NCAM1: variants seen among roughly 807,000 people sequenced by gnomAD.
The protein encoded by NCAM1 is neural cell adhesion molecule 1.
Under a neutral mutation model 109.8 loss-of-function variants are expected in NCAM1, and 14 were observed. The ratio of observed to expected loss-of-function variants is 0.13; its 90% confidence interval spans 0.08 to 0.20. The LOEUF (loss-of-function observed/expected upper bound fraction) is 0.20. Ranked by LOEUF, NCAM1 falls within the 10% of genes least tolerant of loss-of-function variation. The pLI is 1.00. For missense variants in NCAM1, 774 were observed against 1,109.9 expected, an observed-to-expected ratio of 0.70 and a Z score of 4.30; for synonymous variants, 418 against 442.9, an observed-to-expected ratio of 0.94 and a Z score of 0.70.
At chr11:113,221,178 A>C in intron 8 of NCAM1, 118 bp from the exon 9 acceptor site, 1 of 1,008,698 alleles carries the variant, frequency 9.9e-7, no homozygotes, top group Non-Finnish European at 1.5e-6. Flanking sequence ...CCTTGGAAAA[A>C]GTTCTGAATT....
At chr11:113,069,946 G>A (rs1467213865) in intron 1 of NCAM1, among the ~76,000 whole-genome samples, 1 of 152,166 alleles carries the variant, frequency 6.6e-6, no homozygotes, top group Non-Finnish European at 1.5e-5. Flanking sequence ...GGAAGTACCT[G>A]TGAGGTAGTC....
At position 113,169,036 on chromosome 11, in the gene NCAM1, CTGTGTGTGTGTGTG is replaced by C. The variant is rs10562516; in HGVS notation, c.53-33321_53-33308del. On this transcript the variant is annotated intron_variant, in intron 1 of 19. Transcript: ENST00000316851. ...GAGAAGATCCTCTCTCTTCCTCTTT[CTGTGTGTGTGTGTG>C]TGTGTGTGTGTGTGTGTGTGTCTGT... Among the ~76,000 whole-genome samples the C allele has an allele frequency of 6.5e-3, 952 of 146,890 alleles. 10 individuals carry two copies. The highest frequency in any genetic ancestry group is 0.023 in the African/African-American group (914 of 39,890).
intron 1 of NCAM1, among the ~76,000 whole-genome samples, chr11:113,036,557 C>T (rs1473372427): frequency 6.6e-6 from 1 of 152,086 alleles, no homozygotes; most frequent in Non-Finnish European, 1.5e-5. Flanking sequence ...GATGCCTTCC[C>T]TCCGGGTCAT....
At chr11:113,209,486 A>T (rs920115603) in intron 7 of NCAM1, among the ~76,000 whole-genome samples, 4 of 152,350 alleles carry the variant, frequency 2.6e-5, no homozygotes, top group African/African-American at 7.2e-5. Flanking sequence ...TATTGTAGAA[A>T]AAGATAGATG....
At chr11:112,992,499 T>C (rs1273980828) in intron 1 of NCAM1, among the ~76,000 whole-genome samples, 6 of 151,256 alleles carry the variant, frequency 4.0e-5, no homozygotes, top group African/African-American at 9.7e-5. Context: ...AACTCTTTTT[T>C]TTTCTTTTTT....
At chr11:113,226,152 G>A (rs1555116185) in intron 9 of NCAM1, among the ~76,000 whole-genome samples, 1 of 152,214 alleles carries the variant, frequency 6.6e-6, no homozygotes, top group Non-Finnish European at 1.5e-5. Flanking sequence ...TGGATAAAGA[G>A]TCAAGACCCA....
At chr11:113,118,813 G>C (rs1263536657) in intron 1 of NCAM1, among the ~76,000 whole-genome samples, 1 of 151,894 alleles carries the variant, frequency 6.6e-6, no homozygotes, top group African/African-American at 2.4e-5. Context: ...ATGAAAATGA[G>C]CCATTAAAAG....
intron 1 of NCAM1, among the ~76,000 whole-genome samples, chr11:113,181,982 A>G (rs753926): frequency 0.069 from 10,485 of 152,254 alleles, 737 homozygotes; most frequent in African/African-American, 0.17. Context: ...TTACTGCTGC[A>G]TATACCCAAA....
At chr11:113,239,620 GTC>G (rs1555118849) in intron 14 of NCAM1, among the ~76,000 whole-genome samples, 2 of 149,806 alleles carry the variant, frequency 1.3e-5, no homozygotes, top group East Asian at 4.0e-4. Flanking sequence ...ATACTCCTGA[GTC>G]TCTACTTTTT....
chr11:113,268,109 G>A (rs1946177041), intron 17 of NCAM1, among the ~76,000 whole-genome samples: 1 of 152,174 alleles, frequency 6.6e-6, no homozygotes, highest in Admixed American at 6.5e-5. Context: ...CAAGGCTAAA[G>A]TTTCTTCCCT....
Position 113,273,191 on chromosome 11 carries a change from G to T in NCAM1, c.2456+1315G>T, listed in dbSNP as rs1315303790. On this transcript the variant is annotated intron_variant, in intron 19 of 19. Transcript: ENST00000316851. The surrounding 1 kb of genome is among the most constrained non-coding windows in gnomAD (Gnocchi z 6.0). ...CCCCGGCCCCAGCTTCAGCCCCCAAGGTCGCCCCCCTCGTTGACCTGAGCG... is the reference window on the plus strand; with the variant it reads ...CCCCGGCCCCAGCTTCAGCCCCCAATGTCGCCCCCCTCGTTGACCTGAGCG... 3.1e-5 allele frequency: 12 copies of T among 386,710 alleles called. No individual in the cohort carries two copies. The East Asian group carries it at 6.6e-4, about 21-fold the overall frequency. 24.0% of individuals were successfully genotyped at this position (386,710 alleles called of 1,614,324 possible).
chr11:112,982,437 TG>T (rs1951177825), intron 1 of NCAM1, among the ~76,000 whole-genome samples: 1 of 151,986 alleles, frequency 6.6e-6, no homozygotes, highest in African/African-American at 2.4e-5. Context: ...CAGCAGATTC[TG>T]GGAATGACTT....
chr11:113,081,765 C>T (rs2135682134), intron 1 of NCAM1, among the ~76,000 whole-genome samples: 1 of 152,242 alleles, frequency 6.6e-6, no homozygotes, highest in South Asian at 2.1e-4. Flanking sequence ...AACTCCTGAC[C>T]TCAAGTGATC....
chr11:113,238,259 G>C (rs1945231645), intron 14 of NCAM1, among the ~76,000 whole-genome samples: 1 of 152,124 alleles, frequency 6.6e-6, no homozygotes, highest in South Asian at 2.1e-4. Flanking sequence ...ATTTAATAAA[G>C]TTAAGGTCTG....
At chr11:113,022,950 C>A (rs7926169) in intron 1 of NCAM1, among the ~76,000 whole-genome samples, 1 of 152,206 alleles carries the variant, frequency 6.6e-6, no homozygotes, top group Non-Finnish European at 1.5e-5. Flanking sequence ...TAGGAAGTTA[C>A]ATATCTCTTT....
chr11:113,251,367 A>G (rs1945671366), intron 15 of NCAM1, among the ~76,000 whole-genome samples: 1 of 152,198 alleles, frequency 6.6e-6, no homozygotes, highest in African/African-American at 2.4e-5. Context: ...GTACAGTAGC[A>G]GAGTAATTAC....
chr11:113,081,116 G>A (rs1938790817), intron 1 of NCAM1, among the ~76,000 whole-genome samples: 1 of 152,210 alleles, frequency 6.6e-6, no homozygotes, highest in Non-Finnish European at 1.5e-5. Flanking sequence ...GCTAAGTGGA[G>A]GGAGAGATGA....
intron 1 of NCAM1, among the ~76,000 whole-genome samples, chr11:113,056,831 G>GT (rs200390276): frequency 0.01 from 1,559 of 151,152 alleles, 26 homozygotes; most frequent in African/African-American, 0.035. Flanking sequence ...CATTTGTTTT[G>GT]TTTTTTTTTA....
intron 14 of NCAM1, among the ~76,000 whole-genome samples, chr11:113,236,476 G>C (rs1555118323): frequency 6.6e-6 from 1 of 152,180 alleles, no homozygotes; most frequent in Non-Finnish European, 1.5e-5. Context: ...TTGTGCTGTT[G>C]TTAACGTCTG....
Sources: allele counts gnomAD v4.1 joint callset (sites outside exome capture counted in the v4.1 genomes callset), GRCh38; gene constraint gnomAD v4.1.1; non-coding constraint Gnocchi (gnomAD v3.1); transcripts MANE v1.5; gene names NCBI Gene and HGNC (gene_info 2026-07-23, HGNC 2026-07-21).